Variants in FHOD3 observed in about 807,000 individuals in gnomAD.
FHOD3 encodes the protein FH1/FH2 domain-containing protein 3.
Under a neutral mutation model 173.0 loss-of-function variants are expected in FHOD3, and 90 were observed. The ratio of observed to expected loss-of-function variants is 0.52; its 90% CI spans 0.44 to 0.62. FHOD3 has a LOEUF of 0.62. Ranked by LOEUF, FHOD3 falls within the 20% of genes least tolerant of loss-of-function variation. The probability of loss-of-function intolerance (pLI) is 0.00; values close to 1 mark genes in which losing one functional copy is unlikely to be tolerated. For missense variants in FHOD3, 1,945 were observed against 2,034.7 expected, an observed-to-expected ratio of 0.96 and a Z score of 0.85; for synonymous variants, 828 against 823.0, an observed-to-expected ratio of 1.01 and a Z score of -0.10.
At chr18:36,482,858 C>CACACACACACAGAGAGAGAGAGAGAGAG (rs1400178557) in intron 3 of FHOD3, among the ~76,000 whole-genome samples, 2 of 130,374 alleles carry the variant, frequency 1.5e-5, no homozygotes, top group African/African-American at 6.2e-5. Context: ...CACACACACA[C>CACACACACACAGAGAGAGAGAGAGAGAG]AGAGAGAGAG....
chr18:36,490,499 C>G (rs1162500297), intron 3 of FHOD3, among the ~76,000 whole-genome samples: 1 of 152,116 alleles, frequency 6.6e-6, no homozygotes, highest in African/African-American at 2.4e-5. Context: ...GGGTGGGGCT[C>G]AGCAGATGGT....
chr18:36,558,583 CA>C (rs1159854455), intron 5 of FHOD3, among the ~76,000 whole-genome samples: 1 of 151,708 alleles, frequency 6.6e-6, no homozygotes, highest in African/African-American at 2.4e-5. Context: ...TAAATATTTC[CA>C]AAAAGGAAAC....
intron 17 of FHOD3, among the ~76,000 whole-genome samples, chr18:36,708,445 G>GT (rs1361909352): frequency 6.6e-6 from 1 of 152,216 alleles, no homozygotes; most frequent in East Asian, 1.9e-4. Context: ...TGTGTAACAA[G>GT]TTTCCACAGA....
At chr18:36,637,676 G>A (rs952513641) in intron 10 of FHOD3, among the ~76,000 whole-genome samples, 2 of 152,220 alleles carry the variant, frequency 1.3e-5, no homozygotes, top group Non-Finnish European at 2.9e-5. Context: ...AAGTAAATAT[G>A]AGTAGCTTTA....
intron 5 of FHOD3, among the ~76,000 whole-genome samples, chr18:36,514,798 G>A (rs537697694): frequency 1.3e-5 from 2 of 152,252 alleles, no homozygotes; most frequent in South Asian, 2.1e-4. Flanking sequence ...AACTCTGCCC[G>A]CTGTGGTCAG....
chr18:36,735,779 T>G (rs377053985), intron 20 of FHOD3, among the ~76,000 whole-genome samples: 1 of 152,218 alleles, frequency 6.6e-6, no homozygotes, highest in East Asian at 1.9e-4. Flanking sequence ...AAAATCCTTG[T>G]GGCAGATGCT....
Position 36,297,930 on chromosome 18 carries a change from C to G in FHOD3, c.95C>G (p.Thr32Arg). Reference sequence around the variant, plus strand: ...GAGCCCAGCCGGCCGCCGCTGTTCACGTTCCGCGAGGACCTCGCGCTCGGC... The same window carrying G: ...GAGCCCAGCCGGCCGCCGCTGTTCAGGTTCCGCGAGGACCTCGCGCTCGGC... ...FPEPSRPPLFTFREDLALGTQ... is the reference protein window; with the variant it reads ...FPEPSRPPLFRFREDLALGTQ... Residue 32 changes from threonine to arginine, a missense_variant, in exon 1 of 29, where the codon ACG (threonine) becomes AGG (arginine). Around this residue, in one of 5 missense-constraint regions of FHOD3, gnomAD observed 245 missense variants for 267.7 expected, o/e 0.92. Coordinates refer to ENST00000590592, the MANE Select transcript of FHOD3 (RefSeq NM_001281740.3). 1 of 1,565,462 alleles carries G rather than the reference C, an allele frequency of 6.4e-7. No homozygotes were observed. Among genetic ancestry groups the G allele is most frequent in the South Asian group, 1.2e-5 (1 of 84,592 alleles).
intron 6 of FHOD3, among the ~76,000 whole-genome samples, chr18:36,584,970 C>G (rs1313097497): frequency 6.6e-6 from 1 of 151,818 alleles, no homozygotes; most frequent in Non-Finnish European, 1.5e-5. Context: ...TTTTTGGTAC[C>G]TTTTCTTCTG....
chr18:36,382,460 G>C (rs567213140), intron 3 of FHOD3, among the ~76,000 whole-genome samples: 3 of 152,218 alleles, frequency 2.0e-5, no homozygotes, highest in Non-Finnish European at 4.4e-5. Flanking sequence ...CCAATTCAAA[G>C]TGTTACAATT....
At chr18:36,369,361 T>C (rs1298882360) in intron 2 of FHOD3, among the ~76,000 whole-genome samples, 1 of 151,048 alleles carries the variant, frequency 6.6e-6, no homozygotes, top group Non-Finnish European at 1.5e-5. Context: ...TTTTAACTAA[T>C]TAGAAAATAT....
chr18:36,606,340 C>T (rs182491800), intron 8 of FHOD3, among the ~76,000 whole-genome samples: 66 of 152,086 alleles, frequency 4.3e-4, no homozygotes, highest in African/African-American at 1.6e-3. Context: ...TTTGCCATGC[C>T]ATCCATGGTA....
chr18:36,733,313 A>C (rs2041466984), intron 20 of FHOD3, among the ~76,000 whole-genome samples: 1 of 152,194 alleles, frequency 6.6e-6, no homozygotes, highest in Non-Finnish European at 1.5e-5. Flanking sequence ...CTGAACTCCC[A>C]CATCTCTCCT....
chr18:36,407,591 C>T (rs544560037), intron 3 of FHOD3, among the ~76,000 whole-genome samples: 5 of 152,298 alleles, frequency 3.3e-5, no homozygotes, highest in African/African-American at 9.6e-5. Context: ...AAGACTTGAG[C>T]GTAAGCGATG....
At chr18:36,693,465 T>C in intron 17 of FHOD3, 42 bp downstream of exon 17, 1 of 1,559,736 alleles carries the variant, frequency 6.4e-7, no homozygotes, top group Non-Finnish European at 8.8e-7. Flanking sequence ...CAGGTTAACA[T>C]CAGACAGGCT....
chr18:36,463,087 A>G (rs1231659508), intron 3 of FHOD3, among the ~76,000 whole-genome samples: 11 of 152,110 alleles, frequency 7.2e-5, no homozygotes, highest in Admixed American at 6.6e-4. Context: ...TCTGATTTCC[A>G]TGATTTCTCA....
At chr18:36,659,373 A>T (rs191158730) in intron 14 of FHOD3, among the ~76,000 whole-genome samples, 77 of 152,310 alleles carry the variant, frequency 5.1e-4, no homozygotes, top group Non-Finnish European at 8.8e-4. Context: ...ATTACCCCGA[A>T]GACACCATTA....
At chr18:36,399,843 G>A (rs1054048750) in intron 3 of FHOD3, among the ~76,000 whole-genome samples, 2 of 152,232 alleles carry the variant, frequency 1.3e-5, no homozygotes, top group African/African-American at 2.4e-5. Flanking sequence ...GGAAGACCAA[G>A]TGAGTACACA....
rs553947815 is a variant in FHOD3, at chr18:36,634,377, T to A, written c.1196+8628T>A. Among the ~76,000 whole-genome samples, 64 of 152,240 alleles carry A rather than the reference T, an allele frequency of 4.2e-4. 1 individual carries two copies. Among genetic ancestry groups the A allele is most frequent in the Middle Eastern group, 6.8e-3 (2 of 294 alleles). Reference sequence around the variant, plus strand: ...CATGTTTTGACAGGAAGGAGGTGTGTTTACATGCCTAAGTTTTAGGACAGC... The same window carrying A: ...CATGTTTTGACAGGAAGGAGGTGTGATTACATGCCTAAGTTTTAGGACAGC... On this transcript the variant is annotated intron_variant, in intron 10 of 28. Coordinates refer to ENST00000590592, the MANE Select transcript of FHOD3 (RefSeq NM_001281740.3).
intron 3 of FHOD3, among the ~76,000 whole-genome samples, chr18:36,437,682 T>TTTA (rs71168224): frequency 2.7e-4 from 35 of 129,656 alleles, no homozygotes; most frequent in South Asian, 2.3e-3. Flanking sequence ...TTTTTTTTTT[T>TTTA]AAGACAGAGT....
Sources: allele counts gnomAD v4.1 joint callset (sites outside exome capture counted in the v4.1 genomes callset), GRCh38; gene constraint gnomAD v4.1.1; regional missense constraint gnomAD v4.1.1; transcripts MANE v1.5; gene names NCBI Gene and HGNC (gene_info 2026-07-23, HGNC 2026-07-21).